The following BCAS3 variants were observed in gnomAD, a reference collection of about 807,000 sequenced individuals.
The protein encoded by BCAS3 is BCAS4/BCAS3 fusion.
A neutral mutation model predicts 116.1 loss-of-function variants in BCAS3; 53 were observed. The ratio of observed to expected loss-of-function variants is 0.46; its 90% confidence interval spans 0.37 to 0.57. BCAS3 has a LOEUF of 0.57. Ranked by LOEUF, BCAS3 falls within the 20% of genes least tolerant of loss-of-function variation. The pLI is 0.00. For missense variants in BCAS3, 917 were observed against 1,165.4 expected (o/e 0.79, Z 3.10); for synonymous variants, 391 against 408.2 (o/e 0.96, Z 0.51).
At chr17:60,862,002 G>T (rs866603620) in intron 7 of BCAS3, among the ~76,000 whole-genome samples, 1 of 152,096 alleles carries the variant, frequency 6.6e-6, no homozygotes, top group South Asian at 2.1e-4. Context: ...AGCTGGCTTC[G>T]GCCGGGCGTG....
intron 19 of BCAS3, among the ~76,000 whole-genome samples, chr17:61,042,589 T>G (rs1282959456): frequency 6.6e-6 from 1 of 151,826 alleles, no homozygotes; most frequent in Non-Finnish European, 1.5e-5. Context: ...AAATTGTATT[T>G]TAGAAAGATC....
chr17:60,978,901 T>C (rs1383412066), intron 14 of BCAS3, among the ~76,000 whole-genome samples: 1 of 142,248 alleles, frequency 7.0e-6, no homozygotes, highest in Admixed American at 7.1e-5. Flanking sequence ...TTTTGGTTAC[T>C]GTAGCCTTGT....
At chr17:60,948,873 ATTC>A (rs2060672352) in intron 14 of BCAS3, among the ~76,000 whole-genome samples, 2 of 151,564 alleles carry the variant, frequency 1.3e-5, no homozygotes, top group African/African-American at 4.8e-5. Flanking sequence ...TCATTGAAAT[ATTC>A]TTTTTTTTTT....
chr17:61,309,861 C>A lies in BCAS3; in HGVS notation c.2426-58466C>A, dbSNP rs2054158721. Among the ~76,000 whole-genome samples the A allele has an allele frequency of 6.6e-6, 1 of 152,092 alleles. No homozygotes were observed. Among genetic ancestry groups the A allele is most frequent in the Non-Finnish European group, 1.5e-5 (1 of 68,034 alleles). On this transcript the variant is annotated intron_variant, in intron 22 of 23. Transcript: ENST00000407086. This position sits in a 1 kb window ranked among gnomAD's most constrained non-coding sequence, Gnocchi z 4.6. ...AGAAGCCCATGAAGTCAAATGACAGCTTGTTTAAGGAAGCCATGAACTAGC... is the reference window on the plus strand; with the variant it reads ...AGAAGCCCATGAAGTCAAATGACAGATTGTTTAAGGAAGCCATGAACTAGC...
intron 5 of BCAS3, among the ~76,000 whole-genome samples, chr17:60,738,841 G>A (rs1036752193): frequency 6.6e-6 from 1 of 151,982 alleles, no homozygotes; most frequent in Non-Finnish European, 1.5e-5. Flanking sequence ...CTGTAGCCTC[G>A]AACTCCTGGG....
intron 22 of BCAS3, among the ~76,000 whole-genome samples, chr17:61,328,299 C>A (rs1288879176): frequency 6.6e-6 from 1 of 152,132 alleles, no homozygotes; most frequent in Non-Finnish European, 1.5e-5. Flanking sequence ...GGGAAGTAAA[C>A]AACAAAAACA....
rs964134502 is a variant in BCAS3 at position 61,012,204 on chromosome 17, A to C, written c.1487-3547A>C. Among the ~76,000 whole-genome samples the C allele has an allele frequency of 1.3e-5, 2 of 152,018 alleles. No homozygotes were observed. The highest frequency in any genetic ancestry group is 2.9e-5 in the Non-Finnish European group (2 of 67,962). On this transcript the variant is annotated intron_variant, in intron 15 of 23. Coordinates refer to ENST00000407086, the MANE Select transcript of BCAS3 (RefSeq NM_017679.5). The surrounding 1 kb of genome is among the most constrained non-coding windows in gnomAD (Gnocchi z 4.5). The stretch of plus-strand genomic sequence containing the variant: ...GTAACATTACATTATGAACTCTTTG[A>C]AAGTCCCTTGGACTTACTCCTTCAG...
intron 11 of BCAS3, among the ~76,000 whole-genome samples, chr17:60,905,414 A>G (rs1357576388): frequency 6.6e-6 from 1 of 152,218 alleles, no homozygotes; most frequent in Non-Finnish European, 1.5e-5. Context: ...AAATATATTC[A>G]TTGATAAAAT....
chr17:61,040,041 G>GA (rs1016095940), intron 18 of BCAS3, among the ~76,000 whole-genome samples: 2 of 151,496 alleles, frequency 1.3e-5, no homozygotes, highest in Non-Finnish European at 1.5e-5. Context: ...TAACCAAAAG[G>GA]AAAAAAAACC....
At position 61,204,815 on chromosome 17, in the gene BCAS3, G is replaced by C. The variant is rs920158716; in HGVS notation, c.2425+120251G>C. Among the ~76,000 whole-genome samples, 1 of 152,142 alleles carries C rather than the reference G, an allele frequency of 6.6e-6. No individual in the cohort carries two copies. Among genetic ancestry groups the C allele is most frequent in the African/African-American group, 2.4e-5 (1 of 41,428 alleles). On this transcript the variant is annotated intron_variant, in intron 22 of 23. Transcript: ENST00000407086. This position sits in a 1 kb window ranked among gnomAD's most constrained non-coding sequence, Gnocchi z 4.2. ...GTCTGTAATCCAAGCACTTTAGGAG[G>C]CTGAGGCACGCAGATCAGTTGAGGC... is the stretch of plus-strand genomic sequence containing the variant.
At position 60,814,305 on chromosome 17, in the gene BCAS3, G is replaced by GCGCGCGCGCA. The variant is rs1555731411; in HGVS notation, c.476+6229_476+6230insCGCGCGCGCA. On this transcript the variant is annotated intron_variant, in intron 7 of 23. Transcript: ENST00000407086. The stretch of plus-strand genomic sequence containing the variant: ...TGTGTGTGTGTGTGTGTGTGTGTGT[G>GCGCGCGCGCA]TGCGCGCGTGCCCATTGCAAATGGG... 6.3e-4 allele frequency among the ~76,000 whole-genome samples: 84 copies of GCGCGCGCGCA among 133,222 alleles called. No individual in the cohort carries two copies. In the Middle Eastern group the frequency reaches 0.019, roughly 29 times the overall value. The allele number at this position is 133,222 out of a possible 152,430, so 87.4% of individuals were successfully genotyped here.
chr17:60,820,367 C>T (rs1296992022), intron 7 of BCAS3, among the ~76,000 whole-genome samples: 1 of 152,138 alleles, frequency 6.6e-6, no homozygotes, highest in Non-Finnish European at 1.5e-5. Context: ...TCTTATTTCT[C>T]CAGAGGCTTC....
intron 12 of BCAS3, among the ~76,000 whole-genome samples, chr17:60,922,824 G>A (rs964129868): frequency 2.6e-5 from 4 of 152,076 alleles, no homozygotes; most frequent in South Asian, 2.1e-4. Flanking sequence ...GAAATAAAAC[G>A]CACTTGTAAA....
At chr17:60,679,913 C>T (rs546702673) in intron 2 of BCAS3, among the ~76,000 whole-genome samples, 7 of 152,088 alleles carry the variant, frequency 4.6e-5, no homozygotes, top group East Asian at 1.9e-4. Flanking sequence ...CCCAGGCAGG[C>T]GGATCACGAG....
Position 61,074,927 on chromosome 17 carries a change from C to A in BCAS3, c.2037C>A (p.Pro679=). ...YYQFLLAGLV[P]PGSPGPITRH... ...ATTTTCTTTCTCCTATAGTGGTTCC[C>A]CCTGGAAGTCCTGGGCCCATTACTC... Residue 679 remains proline, a synonymous_variant, in exon 20 of 24, where the codon CCC becomes CCA. Transcript: ENST00000407086. The A allele has an allele frequency of 6.2e-7, 1 of 1,610,526 alleles. No homozygotes were observed. The highest frequency in any genetic ancestry group is 8.5e-7 in the Non-Finnish European group (1 of 1,177,438).
chr17:61,060,455 C>T (rs189991312), intron 19 of BCAS3, among the ~76,000 whole-genome samples: 1 of 152,192 alleles, frequency 6.6e-6, no homozygotes, highest in East Asian at 1.9e-4. Flanking sequence ...AATGTATTAA[C>T]ATGGATGATA....
rs1295653211 is a variant in BCAS3, at chr17:60,961,851, A to G, written c.1221+14499A>G. Among the ~76,000 whole-genome samples, 1 of 151,910 alleles carries G rather than the reference A, an allele frequency of 6.6e-6. No homozygotes were observed. The highest frequency in any genetic ancestry group is 1.5e-5 in the Non-Finnish European group (1 of 67,992). ...TTGAGGAAGGCACATCTCACACAGC[A>G]GTGTGAAAACCCACTCATCATGCTT... On this transcript the variant is annotated intron_variant, in intron 14 of 23. Transcript: ENST00000407086. This position sits in a 1 kb window ranked among gnomAD's most constrained non-coding sequence, Gnocchi z 4.8.
chr17:61,345,575 T>C (rs1244351340), intron 22 of BCAS3, among the ~76,000 whole-genome samples: 8 of 152,126 alleles, frequency 5.3e-5, no homozygotes, highest in African/African-American at 1.9e-4. Flanking sequence ...CTGTTAAATT[T>C]GTCATGGTGC....
At chr17:60,876,641 T>C (rs1283848933) in intron 9 of BCAS3, among the ~76,000 whole-genome samples, 1 of 152,162 alleles carries the variant, frequency 6.6e-6, no homozygotes, top group Admixed American at 6.5e-5. Flanking sequence ...TTTAAATTTA[T>C]TTGATACATT....
Sources: allele counts gnomAD v4.1 joint callset (sites outside exome capture counted in the v4.1 genomes callset), GRCh38; gene constraint gnomAD v4.1.1; non-coding constraint Gnocchi (gnomAD v3.1); transcripts MANE v1.5; gene names NCBI Gene and HGNC (gene_info 2026-07-23, HGNC 2026-07-21).